The following MCTP1 variants were observed in gnomAD, a reference collection of about 807,000 sequenced individuals.
MCTP1 encodes the protein multiple C2 and transmembrane domain-containing protein 1.
Under a neutral mutation model 120.6 loss-of-function variants are expected in MCTP1, and 69 were observed. The observed-to-expected ratio is 0.57, with a 90% CI of 0.47 to 0.70. The LOEUF (loss-of-function observed/expected upper bound fraction) is 0.70. MCTP1 is among the 30% of genes least tolerant of loss of function. MCTP1 has a pLI of 0.00. For missense variants in MCTP1, 1,203 were observed against 1,248.8 expected, an observed-to-expected ratio of 0.96 and a Z score of 0.55; for synonymous variants, 529 against 493.1, an observed-to-expected ratio of 1.07 and a Z score of -0.96.
intron 2 of MCTP1, among the ~76,000 whole-genome samples, chr5:94,960,164 T>C (rs1823772781): frequency 6.6e-6 from 1 of 152,054 alleles, no homozygotes; most frequent in African/African-American, 2.4e-5. Flanking sequence ...AAACAAGCAA[T>C]GGGGAAAGGA....
chr5:95,017,674 C>G (rs1837383605), intron 1 of MCTP1, among the ~76,000 whole-genome samples, 190 bp from the exon 2 acceptor site: 1 of 152,056 alleles, frequency 6.6e-6, no homozygotes, highest in Admixed American at 6.6e-5. Context: ...TCTTTAGACT[C>G]AAAAACATGG....
At chr5:95,268,795 T>G (rs571226495) in intron 1 of MCTP1, among the ~76,000 whole-genome samples, 1 of 152,156 alleles carries the variant, frequency 6.6e-6, no homozygotes, top group Non-Finnish European at 1.5e-5. Flanking sequence ...TTCACCAGCT[T>G]ATTGGGGCCA....
chr5:94,825,735 G>A (rs1371789511), intron 17 of MCTP1, among the ~76,000 whole-genome samples: 2 of 150,984 alleles, frequency 1.3e-5, no homozygotes, highest in African/African-American at 2.4e-5. Flanking sequence ...TGTATTGGGT[G>A]CATATATATA....
intron 7 of MCTP1, 31 bp from the exon 8 acceptor site, chr5:94,918,004 G>C (rs370638995): frequency 3.2e-6 from 5 of 1,572,626 alleles, no homozygotes; most frequent in Admixed American, 1.7e-5. Flanking sequence ...AGAGCTGTAC[G>C]GGGAAGCTTT....
chr5:95,240,898 TCTCTCTCTCTCC>T lies in MCTP1; in HGVS notation c.720+42946_720+42957del, dbSNP rs567568631. ...TCGTATTTCCTTTTTTGTTGTCTTC[TCTCTCTCTCTCC>T]CTCTCTCTCTCCACCCACCTCTTTT... On this transcript the variant is annotated intron_variant, in intron 1 of 22. Transcript: ENST00000515393. Among the ~76,000 whole-genome samples, 623 of 151,906 alleles carry T rather than the reference TCTCTCTCTCTCC, an allele frequency of 4.1e-3. 7 individuals carry two copies. The highest frequency in any genetic ancestry group is 0.014 in the African/African-American group (594 of 41,492).
At chr5:94,969,775 A>G (rs772010070) in intron 2 of MCTP1, among the ~76,000 whole-genome samples, 6 of 152,136 alleles carry the variant, frequency 3.9e-5, no homozygotes, top group Non-Finnish European at 7.4e-5. Flanking sequence ...AAGGTCCTTC[A>G]CATTTGAGAG....
At chr5:95,249,988 C>A (rs185249724) in intron 1 of MCTP1, among the ~76,000 whole-genome samples, 1 of 152,188 alleles carries the variant, frequency 6.6e-6, no homozygotes, top group Admixed American at 6.5e-5. Context: ...CGGGGAACAT[C>A]ACACACCAGG....
chr5:94,835,365 C>T (rs866153123), intron 17 of MCTP1, among the ~76,000 whole-genome samples: 43 of 152,098 alleles, frequency 2.8e-4, no homozygotes, highest in African/African-American at 9.9e-4. Flanking sequence ...TTCAACATTC[C>T]GAAAAAGGAG....
At chr5:94,918,041 T>C in intron 7 of MCTP1, 68 bp from the exon 8 acceptor site, 1 of 1,202,652 alleles carries the variant, frequency 8.3e-7, no homozygotes, top group Non-Finnish European at 1.2e-6. Context: ...CTCATTTTGA[T>C]CAGCAGTTTG....
At chr5:95,195,594 T>C (rs1447212984) in intron 1 of MCTP1, among the ~76,000 whole-genome samples, 3 of 152,090 alleles carry the variant, frequency 2.0e-5, no homozygotes, top group East Asian at 1.9e-4. Flanking sequence ...AGAAAGTACA[T>C]TGAGTACCAA....
intron 2 of MCTP1, among the ~76,000 whole-genome samples, chr5:94,995,920 C>A (rs993748036): frequency 1.3e-5 from 2 of 152,068 alleles, no homozygotes; most frequent in African/African-American, 4.8e-5. Context: ...CTTAAGAAAC[C>A]TTTTTGTCTC....
chr5:95,054,855 A>G (rs1005228646), intron 1 of MCTP1, among the ~76,000 whole-genome samples: 2 of 152,130 alleles, frequency 1.3e-5, no homozygotes, highest in Non-Finnish European at 1.5e-5. Flanking sequence ...GCTGGAGTGC[A>G]GTGGTGCAAT....
chr5:95,139,517 CT>C (rs940630967), intron 1 of MCTP1, among the ~76,000 whole-genome samples: 3 of 152,112 alleles, frequency 2.0e-5, no homozygotes, highest in Non-Finnish European at 4.4e-5. Flanking sequence ...ACATTTTCCC[CT>C]TTTTTTCCAA....
At chr5:94,819,078 A>AATTT (rs10526286) in intron 17 of MCTP1, among the ~76,000 whole-genome samples, 8,823 of 140,036 alleles carry the variant, frequency 0.063, 430 homozygotes, top group African/African-American at 0.12. Context: ...AACTACTTCA[A>AATTT]ATTTATTTAT....
intron 1 of MCTP1, among the ~76,000 whole-genome samples, chr5:95,265,922 T>G (rs796528687): frequency 6.6e-6 from 1 of 152,174 alleles, no homozygotes; most frequent in Non-Finnish European, 1.5e-5. Context: ...TCTCAGTCTC[T>G]GGCAAAGGAA....
intron 1 of MCTP1, among the ~76,000 whole-genome samples, chr5:95,191,772 C>T (rs1014078963): frequency 6.6e-6 from 1 of 151,966 alleles, no homozygotes; most frequent in Admixed American, 6.6e-5. Context: ...GCTACAAGTG[C>T]ATTATTGTAC....
intron 1 of MCTP1, among the ~76,000 whole-genome samples, chr5:95,148,944 T>C (rs977665580): frequency 8.5e-5 from 13 of 152,246 alleles, no homozygotes; most frequent in African/African-American, 2.9e-4. Context: ...ACAGGCACTG[T>C]ATACTGGCAA....
rs111496426 is a variant in MCTP1 at position 94,892,733 on chromosome 5, C to T, written c.1839+1916G>A. On this transcript the variant is annotated intron_variant, in intron 11 of 22. Transcript: ENST00000515393. ...CCAATGTCAAATTCCTAAATTTGAC[C>T]TCAACTTTTAAAAATACACATGTTC... Among the ~76,000 whole-genome samples the T allele has an allele frequency of 3.9e-5, 6 of 152,128 alleles. 1 individual carries two copies. The highest frequency in any genetic ancestry group is 1.4e-4 in the African/African-American group (6 of 41,502).
chr5:94,993,537 TA>T (rs1223357525), intron 2 of MCTP1, among the ~76,000 whole-genome samples: 1 of 152,210 alleles, frequency 6.6e-6, no homozygotes, highest in Non-Finnish European at 1.5e-5. Context: ...GATTTGTTTA[TA>T]TTAGAAAAAC....
Sources: allele counts gnomAD v4.1 joint callset (sites outside exome capture counted in the v4.1 genomes callset), GRCh38; gene constraint gnomAD v4.1.1; transcripts MANE v1.5; gene names NCBI Gene and HGNC (gene_info 2026-07-23, HGNC 2026-07-21).